The following FAM107A variants were observed in gnomAD, a reference collection of about 807,000 sequenced individuals.
FAM107A encodes the protein actin-associated protein FAM107A.
In FAM107A, 19 loss-of-function variants were observed where a neutral mutation model predicts 13.7. The observed-to-expected ratio is 1.38, with a 90% confidence interval of 0.97 to 2.03. The LOEUF is 2.03. FAM107A is among the 30% of genes most tolerant of loss of function. The probability of loss-of-function intolerance (pLI) is 0.00; values close to 1 mark genes in which losing one functional copy is unlikely to be tolerated. For synonymous variants in FAM107A, 82 were observed against 74.5 expected, an observed-to-expected ratio of 1.10 and a Z score of -0.52; for missense variants, 203 against 184.4, an observed-to-expected ratio of 1.10 and a Z score of -0.58.
upstream of FAM107A, among the ~76,000 whole-genome samples, chr3:58,580,841 G>GA (rs1291123054): frequency 1.3e-4 from 19 of 148,578 alleles, no homozygotes; most frequent in African/African-American, 2.2e-4. Flanking sequence ...GGTGTTAAAA[G>GA]AAAAAAAAAG....
intron 1 of FAM107A, chr3:58,607,027 G>C (rs1401604801): frequency 6.6e-6 from 1 of 152,166 alleles, no homozygotes; most frequent in African/African-American, 2.4e-5. Context: ...ATTACTCCTA[G>C]ACTTTCACGT....
chr3:58,568,480 T>C (rs1292545135), intron 2 of FAM107A, among the ~76,000 whole-genome samples: 1 of 152,180 alleles, frequency 6.6e-6, no homozygotes. Context: ...GATCTGAATT[T>C]TTTTTTGTAT....
chr3:58,584,251 A>G (rs548579712), intron 1 of FAM107A, among the ~76,000 whole-genome samples: 1 of 152,164 alleles, frequency 6.6e-6, no homozygotes, highest in East Asian at 1.9e-4. Context: ...GGTTTCCATT[A>G]CTCTGCTCCC....
At chr3:58,626,996 G>T in intron 1 of FAM107A, 2 of 1,536,014 alleles carry the variant, frequency 1.3e-6, no homozygotes, top group Non-Finnish European at 1.7e-6. Context: ...TGCTCCCATG[G>T]CACGAAGTGG....
At chr3:58,580,211 A>T (rs939367974), upstream of FAM107A, among the ~76,000 whole-genome samples, 21 of 152,226 alleles carry the variant, frequency 1.4e-4, no homozygotes, top group African/African-American at 3.9e-4. Context: ...AATCATATGT[A>T]GTAGGATCTC....
At chr3:58,616,843 G>A (rs1220282775) in intron 1 of FAM107A, among the ~76,000 whole-genome samples, 1 of 151,906 alleles carries the variant, frequency 6.6e-6, no homozygotes, top group African/African-American at 2.4e-5. Context: ...GCACGATCTC[G>A]GCTCACTGCA....
intron 3 of FAM107A, 90 bp downstream of exon 3, chr3:58,567,118 T>C: frequency 6.8e-7 from 1 of 1,468,672 alleles, no homozygotes; most frequent in Non-Finnish European, 9.5e-7. Flanking sequence ...CTGATCCTCT[T>C]CCCTCTTACT....
chr3:58,585,639 C>A (rs897879602), intron 1 of FAM107A, among the ~76,000 whole-genome samples: 6 of 152,222 alleles, frequency 3.9e-5, no homozygotes, highest in African/African-American at 1.4e-4. Flanking sequence ...GAGCTCCTTG[C>A]CCAAGGCAGA....
At chr3:58,601,281 C>T (rs2065750657) in intron 1 of FAM107A, among the ~76,000 whole-genome samples, 1 of 144,778 alleles carries the variant, frequency 6.9e-6, no homozygotes, top group Admixed American at 7.4e-5. Flanking sequence ...ATCCTCCTCC[C>T]AGAAAAAACT....
At chr3:58,585,933 T>G (rs1174870067) in intron 1 of FAM107A, among the ~76,000 whole-genome samples, 1 of 152,234 alleles carries the variant, frequency 6.6e-6, no homozygotes, top group Admixed American at 6.5e-5. Flanking sequence ...AACACGTGCT[T>G]ACTGCAAACA....
At chr3:58,612,820 GA>G (rs1402794617) in intron 1 of FAM107A, among the ~76,000 whole-genome samples, 1 of 152,056 alleles carries the variant, frequency 6.6e-6, no homozygotes, top group African/African-American at 2.4e-5. Flanking sequence ...AAAATAAAGA[GA>G]AAAAATCAAA....
intron 1 of FAM107A, among the ~76,000 whole-genome samples, chr3:58,605,367 T>A (rs1340607533): frequency 6.6e-6 from 1 of 152,166 alleles, no homozygotes; most frequent in Admixed American, 6.5e-5. Flanking sequence ...CACACAGATT[T>A]TGGGGCTCCC....
chr3:58,568,389 C>T (rs914857646), intron 2 of FAM107A, among the ~76,000 whole-genome samples: 2 of 151,208 alleles, frequency 1.3e-5, no homozygotes, highest in African/African-American at 4.9e-5. Context: ...GAGCTGAGGT[C>T]GCGCCACTGC....
At position 58,617,207 on chromosome 3, in the gene FAM107A, A is replaced by G. The variant is rs1435281968; in HGVS notation, c.-70+10209T>C. On this transcript the variant is annotated intron_variant, in intron 1 of 3. Transcript: ENST00000465970. The surrounding 1 kb of genome is among the most constrained non-coding windows in gnomAD (Gnocchi z 4.5). ...GGCCGGTTCAGGGCCTGCAGGTCTC[A>G]ATGGCAGGCCTCTTCCTGAACGTGC... 2.6e-5 allele frequency among the ~76,000 whole-genome samples: 4 copies of G among 152,282 alleles called. No homozygotes were observed. The highest frequency in any genetic ancestry group is 1.9e-4 in the East Asian group (1 of 5,182).
At chr3:58,583,780 A>G (rs1195522703) in intron 1 of FAM107A, among the ~76,000 whole-genome samples, 4 of 152,014 alleles carry the variant, frequency 2.6e-5, no homozygotes, top group South Asian at 2.1e-4. Flanking sequence ...CTCTGGGCTC[A>G]AGTGATCCTC....
At chr3:58,622,383 G>A (rs1469960038) in intron 1 of FAM107A, among the ~76,000 whole-genome samples, 1 of 152,226 alleles carries the variant, frequency 6.6e-6, no homozygotes. Flanking sequence ...GGGGGTTGTT[G>A]TGAGCTGAGA....
At chr3:58,627,245 T>C (rs954283223) in intron 1 of FAM107A, 2 of 527,562 alleles carry the variant, frequency 3.8e-6, no homozygotes, top group African/African-American at 1.9e-5. Context: ...TATGCCCTTC[T>C]TGGGTCCCTG....
chr3:58,575,560 T>C (rs1171678860), intron 1 of FAM107A, among the ~76,000 whole-genome samples: 1 of 152,184 alleles, frequency 6.6e-6, no homozygotes, highest in East Asian at 1.9e-4. Flanking sequence ...AGCCAGGACC[T>C]TGGACGCCAA....
At chr3:58,620,870 G>C (rs2106639412) in intron 1 of FAM107A, among the ~76,000 whole-genome samples, 1 of 152,300 alleles carries the variant, frequency 6.6e-6, no homozygotes, top group African/African-American at 2.4e-5. Flanking sequence ...CAGGAAAACT[G>C]TGCCCTTTCC....
Sources: allele counts gnomAD v4.1 joint callset (sites outside exome capture counted in the v4.1 genomes callset), GRCh38; gene constraint gnomAD v4.1.1; non-coding constraint Gnocchi (gnomAD v3.1); transcripts MANE v1.5; gene names NCBI Gene and HGNC (gene_info 2026-07-23, HGNC 2026-07-21).